The following STX8 variants were observed in gnomAD, a reference collection of about 807,000 sequenced individuals.
The protein encoded by STX8 is syntaxin-8.
STX8 carries 23 observed loss-of-function variants against 37.5 expected under a neutral mutation model. The ratio of observed to expected loss-of-function variants is 0.61; its 90% confidence interval spans 0.44 to 0.87. The LOEUF (loss-of-function observed/expected upper bound fraction) is 0.87. Ranked by LOEUF, STX8 falls within the 40% of genes least tolerant of loss-of-function variation. STX8 has a pLI of 0.00. For synonymous variants in STX8, 115 were observed against 99.1 expected (o/e 1.16, Z -0.95); for missense variants, 313 against 284.7 (o/e 1.10, Z -0.71).
At chr17:9,556,817 A>ATG (rs1331545911) in intron 3 of STX8, 15 of 143,274 alleles carry the variant, frequency 1.0e-4, no homozygotes, top group Admixed American at 2.1e-4. Context: ...ATATATATAT[A>ATG]TATTTTAACA....
At chr17:9,495,962 A>T (rs1351950757) in intron 5 of STX8, among the ~76,000 whole-genome samples, 1 of 152,202 alleles carries the variant, frequency 6.6e-6, no homozygotes, top group Non-Finnish European at 1.5e-5. Context: ...CTAAGGCAGG[A>T]GGACTGCTTG....
chr17:9,545,970 T>A (rs921257445), intron 3 of STX8, among the ~76,000 whole-genome samples: 1 of 152,196 alleles, frequency 6.6e-6, no homozygotes, highest in Non-Finnish European at 1.5e-5. Context: ...TGTGTGTCAG[T>A]GTTCCAGGGC....
intron 4 of STX8, among the ~76,000 whole-genome samples, chr17:9,532,911 G>A (rs905704054): frequency 6.6e-6 from 1 of 152,122 alleles, no homozygotes; most frequent in Non-Finnish European, 1.5e-5. Context: ...AAAAGATGAT[G>A]CAGCATAAAG....
At chr17:9,465,587 AG>A (rs1394565464) in intron 6 of STX8, among the ~76,000 whole-genome samples, 1 of 152,236 alleles carries the variant, frequency 6.6e-6, no homozygotes, top group Non-Finnish European at 1.5e-5. Context: ...ACAGGTGTGC[AG>A]GATCACCTGG....
rs577948577 is a variant in STX8 at position 9,437,651 on chromosome 17, G to C, written c.541+54178C>G. 5 of 152,318 alleles carry C rather than the reference G, an allele frequency of 3.3e-5. No individual in the cohort carries two copies. The South Asian group carries it at 1.0e-3, about 32-fold the overall frequency. 9.4% of individuals were successfully genotyped at this position (152,318 alleles called of 1,614,324 possible). A position where few individuals can be genotyped will look rare whatever the true frequency, so the allele number is the denominator to read the frequency against. On this transcript the variant is annotated intron_variant, in intron 6 of 7. Coordinates refer to ENST00000306357, the MANE Select transcript of STX8 (RefSeq NM_004853.3). ...CTGGTACAAACGTAAACCAGCAGTT[G>C]TGCCATTTAAGAGATTAGTTCAATT...
chr17:9,254,082 C>T (rs904345919), intron 7 of STX8, among the ~76,000 whole-genome samples: 1 of 152,132 alleles, frequency 6.6e-6, no homozygotes, highest in African/African-American at 2.4e-5. Context: ...TTGCTTAAAT[C>T]CTCCAGTGGC....
chr17:9,296,050 G>A (rs28843803), intron 7 of STX8, among the ~76,000 whole-genome samples: 2 of 151,982 alleles, frequency 1.3e-5, no homozygotes, highest in South Asian at 4.2e-4. Context: ...ATTAGCCGGG[G>A]GCGGTGGCGG....
At chr17:9,327,177 G>C (rs1259814776) in intron 7 of STX8, among the ~76,000 whole-genome samples, 2 of 147,864 alleles carry the variant, frequency 1.4e-5, no homozygotes, top group Admixed American at 6.8e-5. Flanking sequence ...AAAAGAAGAA[G>C]AAGAAGGAAG....
intron 3 of STX8, among the ~76,000 whole-genome samples, chr17:9,546,594 T>TTTTG (rs1567605500): frequency 1.8e-5 from 2 of 112,230 alleles, no homozygotes; most frequent in Non-Finnish European, 3.8e-5. Context: ...AAAAGTGGTT[T>TTTTG]TTTTTTTTTT....
chr17:9,423,335 GT>G (rs1262481573), intron 6 of STX8, among the ~76,000 whole-genome samples: 1 of 152,074 alleles, frequency 6.6e-6, no homozygotes, highest in Non-Finnish European at 1.5e-5. Flanking sequence ...TGTTGTCGTT[GT>G]TTTTTGAGAC....
chr17:9,325,845 C>T (rs932005635), intron 7 of STX8, among the ~76,000 whole-genome samples: 7 of 152,244 alleles, frequency 4.6e-5, no homozygotes, highest in East Asian at 1.9e-4. Flanking sequence ...CCAGCTAGAG[C>T]GTGGCCAGCC....
chr17:9,438,289 T>A (rs1252607991), intron 6 of STX8, among the ~76,000 whole-genome samples: 1 of 146,176 alleles, frequency 6.8e-6, no homozygotes, highest in African/African-American at 2.5e-5. Flanking sequence ...CATTTGATCA[T>A]CTCTCCTCTA....
intron 4 of STX8, among the ~76,000 whole-genome samples, chr17:9,508,128 T>G (rs769440280): frequency 6.6e-6 from 1 of 152,010 alleles, no homozygotes; most frequent in Non-Finnish European, 1.5e-5. Context: ...AATAGTAATC[T>G]TACAGTGAGA....
At chr17:9,494,380 G>A (rs1485655141) in intron 5 of STX8, among the ~76,000 whole-genome samples, 1 of 151,138 alleles carries the variant, frequency 6.6e-6, no homozygotes, top group East Asian at 2.0e-4. Context: ...TGTAATCCCA[G>A]CACTTTAGGG....
intron 5 of STX8, among the ~76,000 whole-genome samples, chr17:9,495,041 G>A (rs1001527614): frequency 2.6e-5 from 4 of 152,140 alleles, no homozygotes; most frequent in African/African-American, 4.8e-5. Context: ...CTTACTCGAG[G>A]TCGCATTAAC....
chr17:9,275,968 C>T (rs1907661537), intron 7 of STX8, among the ~76,000 whole-genome samples: 2 of 152,180 alleles, frequency 1.3e-5, no homozygotes, highest in South Asian at 4.2e-4. Flanking sequence ...GCTCAATAAA[C>T]ACTCACTTAT....
At chr17:9,359,500 CAT>C (rs200425279) in intron 7 of STX8, among the ~76,000 whole-genome samples, 11,920 of 137,422 alleles carry the variant, frequency 0.087, 459 homozygotes, top group Middle Eastern at 0.12. Flanking sequence ...AATGCTGAGA[CAT>C]ATTTTTTTTT....
intron 7 of STX8, among the ~76,000 whole-genome samples, chr17:9,276,606 GTTTT>G (rs1907685573): frequency 6.7e-6 from 1 of 150,258 alleles, no homozygotes; most frequent in African/African-American, 2.4e-5. Context: ...AGCTTTTCTT[GTTTT>G]TGTTTGTTTA....
intron 6 of STX8, among the ~76,000 whole-genome samples, chr17:9,418,814 A>T (rs1567551707): frequency 8.9e-6 from 1 of 112,180 alleles, no homozygotes; most frequent in African/African-American, 3.3e-5. Context: ...GCGACAGAGC[A>T]AGACTCCGTC....
Sources: allele counts gnomAD v4.1 joint callset (sites outside exome capture counted in the v4.1 genomes callset), GRCh38; gene constraint gnomAD v4.1.1; transcripts MANE v1.5; gene names NCBI Gene and HGNC (gene_info 2026-07-23, HGNC 2026-07-21).